The following MYO7A variants were observed in gnomAD, a reference collection of about 807,000 sequenced individuals.
MYO7A encodes the protein unconventional myosin-VIIa.
A neutral mutation model predicts 263.8 loss-of-function variants in MYO7A; 210 were observed. The ratio of observed to expected loss-of-function variants is 0.80; its 90% CI spans 0.71 to 0.89. MYO7A has a LOEUF of 0.89. Among genes scored for constraint, MYO7A ranks in the 40% least tolerant of loss-of-function variants. MYO7A has a pLI of 0.00. For missense variants in MYO7A, 2,820 were observed against 2,968.3 expected (o/e 0.95, Z 1.16); for synonymous variants, 1,239 against 1,197.3 (o/e 1.03, Z -0.72).
In MYO7A at chr11:77,159,501, C is replaced by A; in HGVS notation, c.1058C>A (p.Ala353Asp). The A allele has an allele frequency of 2.5e-6, 4 of 1,588,446 alleles. No homozygotes were observed. The highest frequency in any genetic ancestry group is 3.4e-6 in the Non-Finnish European group (4 of 1,163,586). Residue 353 changes from alanine to aspartate, a missense_variant, in exon 10 of 49, where the codon GCC (alanine) becomes GAC (aspartate). Ala to Asp is a moderately radical substitution (Grantham distance 126, BLOSUM62 -2). Coordinates refer to ENST00000409709, the MANE Select transcript of MYO7A (RefSeq NM_000260.4). ...GAGGTTCTCTTCTCCCCATCGCTGG[C>A]CACAGCTGCATCCCTGCTTGAGGTC... ...ACEVLFSPSL[A>D]TAASLLEVNP...
chr11:77,182,140 G>T lies in MYO7A; in HGVS notation c.3094G>T (p.Glu1032Ter). The T allele has an allele frequency of 1.2e-6, 2 of 1,613,294 alleles. No individual in the cohort carries two copies. Among genetic ancestry groups the T allele is most frequent in the Non-Finnish European group, 1.7e-6 (2 of 1,179,854 alleles). The change falls in exon 24 of 49, where the codon GAG becomes TAG. Residue 1032 changes from glutamate to a stop codon, truncating the protein, a stop_gained. Coordinates refer to ENST00000409709, the MANE Select transcript of MYO7A (RefSeq NM_000260.4). LOFTEE classifies it high-confidence loss of function. ...LKQPLLYHDD[E>*]GDQLAALAVW... ...ACAGCCACTGCTCTACCATGACGAC[G>T]AGGGTGACCAGCTGGTAAGGCCTGC...
chr11:77,178,983 A>C, intron 19 of MYO7A, 62 bp from the exon 20 acceptor site: 1 of 1,432,742 alleles, frequency 7.0e-7, no homozygotes, highest in East Asian at 2.5e-5. Flanking sequence ...CCTGATCCCA[A>C]ACCCACCTGT....
chr11:77,131,893 G>C (rs993485178), intron 2 of MYO7A, among the ~76,000 whole-genome samples: 1 of 152,224 alleles, frequency 6.6e-6, no homozygotes, highest in African/African-American at 2.4e-5. Context: ...GGGCCTAATG[G>C]GCTCCAGCCC....
chr11:77,171,078 C>T (rs1390263353), intron 15 of MYO7A, among the ~76,000 whole-genome samples: 4 of 152,240 alleles, frequency 2.6e-5, no homozygotes, highest in Admixed American at 2.6e-4. Flanking sequence ...GCAGACGCAT[C>T]CTGTCCTCAT....
chr11:77,174,482 C>T (rs1475965282), intron 16 of MYO7A, among the ~76,000 whole-genome samples: 1 of 152,188 alleles, frequency 6.6e-6, no homozygotes, highest in Non-Finnish European at 1.5e-5. Flanking sequence ...GTGATAAAGA[C>T]GCCTCCTCCA....
intron 27 of MYO7A, 81 bp downstream of exon 27, chr11:77,184,796 T>C (rs1555087495): frequency 6.4e-7 from 1 of 1,562,350 alleles, no homozygotes; most frequent in Admixed American, 1.9e-5. Flanking sequence ...TAGCAAGAGA[T>C]TAAGCCAAGC....
chr11:77,175,126 A>G (rs1954518922), intron 17 of MYO7A, among the ~76,000 whole-genome samples: 1 of 152,312 alleles, frequency 6.6e-6, no homozygotes, highest in East Asian at 1.9e-4. Flanking sequence ...TGGTGGTGTA[A>G]GGAACAAGAC....
In MYO7A at chr11:77,138,004, G is replaced by T. The variant is rs1591180378; in HGVS notation, c.19-4705G>T. ...TGGAAAACATAGAAAAAAACATGACGATTTTTTCCAAAACTGCCGTCAGGT... is the reference window on the plus strand; with the variant it reads ...TGGAAAACATAGAAAAAAACATGACTATTTTTTCCAAAACTGCCGTCAGGT... On this transcript the variant is annotated intron_variant, in intron 2 of 48. Coordinates refer to ENST00000409709, the MANE Select transcript of MYO7A (RefSeq NM_000260.4). The surrounding 1 kb of genome is among the most constrained non-coding windows in gnomAD (Gnocchi z 4.9). 6.6e-6 allele frequency among the ~76,000 whole-genome samples: 1 copy of T among 152,174 alleles called. No individual in the cohort carries two copies. The highest frequency in any genetic ancestry group is 2.1e-4 in the South Asian group (1 of 4,832).
intron 16 of MYO7A, 118 bp downstream of exon 16, chr11:77,173,003 G>A (rs1223706046): frequency 1.7e-5 from 24 of 1,372,972 alleles, no homozygotes; most frequent in Non-Finnish European, 2.2e-5. Flanking sequence ...TGGGGAATGG[G>A]GGGCACCCCG....
At position 77,138,211 on chromosome 11, in the gene MYO7A, G is replaced by A. The variant is rs889331659; in HGVS notation, c.19-4498G>A. The stretch of plus-strand genomic sequence containing the variant: ...CCTAAGCCGCCGTTGCCATGGGCCC[G>A]CAGCAGATGGCCCGGTTTAGGGTTC... On this transcript the variant is annotated intron_variant, in intron 2 of 48. Coordinates refer to ENST00000409709, the MANE Select transcript of MYO7A (RefSeq NM_000260.4). This position sits in a 1 kb window ranked among gnomAD's most constrained non-coding sequence, Gnocchi z 4.9. Among the ~76,000 whole-genome samples, 1 of 151,970 alleles carries A rather than the reference G, an allele frequency of 6.6e-6. No individual in the cohort carries two copies. Among genetic ancestry groups the A allele is most frequent in the Non-Finnish European group, 1.5e-5 (1 of 67,932 alleles).
chr11:77,155,008 A>T (rs889012657), intron 4 of MYO7A, among the ~76,000 whole-genome samples: 1 of 152,122 alleles, frequency 6.6e-6, no homozygotes, highest in African/African-American at 2.4e-5. Context: ...CCTCCCCTGG[A>T]CATCTTTCTT....
intron 2 of MYO7A, among the ~76,000 whole-genome samples, chr11:77,131,641 T>C (rs374426966): frequency 8.5e-5 from 13 of 152,148 alleles, no homozygotes; most frequent in African/African-American, 3.1e-4. Flanking sequence ...AGGGGCGTCC[T>C]CCCTCAGGGG....
intron 40 of MYO7A, 40 bp downstream of exon 40, chr11:77,205,657 G>T (rs1591484687): frequency 6.2e-7 from 1 of 1,610,124 alleles, no homozygotes; most frequent in Non-Finnish European, 8.5e-7. Flanking sequence ...CACTGGGGCG[G>T]GCTCCTGGCC....
chr11:77,207,045 C>T (rs990823542), intron 41 of MYO7A: 6 of 434,840 alleles, frequency 1.4e-5, no homozygotes, highest in Non-Finnish European at 2.1e-5. Context: ...GGCTTGTACA[C>T]CCTGGCCCAG....
Position 77,214,746 on chromosome 11 carries a change from G to T in MYO7A, c.*50G>T, listed in dbSNP as rs1455975827. On this transcript the variant is annotated 3_prime_UTR_variant, in exon 49 of 49. Transcript: ENST00000409709. ...CATGCCTGCTCTCGAGGCAGCAGTG[G>T]GTTCAGGCCCATCAGCTACCCCTGC... 2 of 1,421,622 alleles carry T rather than the reference G, an allele frequency of 1.4e-6. No homozygotes were observed. The highest frequency in any genetic ancestry group is 1.9e-6 in the Non-Finnish European group (2 of 1,031,526). 88.1% of individuals were successfully genotyped at this position (1,421,622 alleles called of 1,614,324 possible).
chr11:77,129,348 G>A (rs1950696562), intron 1 of MYO7A, among the ~76,000 whole-genome samples: 1 of 152,230 alleles, frequency 6.6e-6, no homozygotes, highest in South Asian at 2.1e-4. Flanking sequence ...TCCAGGGCAG[G>A]GGTCAGGGCT....
At chr11:77,200,874 G>A (rs926755787) in intron 35 of MYO7A, among the ~76,000 whole-genome samples, 4 of 152,162 alleles carry the variant, frequency 2.6e-5, no homozygotes, top group Non-Finnish European at 5.9e-5. Context: ...TGAGGCTACC[G>A]AGGCCCTGGC....
At chr11:77,176,839 C>A (rs528624029) in intron 18 of MYO7A, among the ~76,000 whole-genome samples, 2 of 152,316 alleles carry the variant, frequency 1.3e-5, no homozygotes, top group South Asian at 4.1e-4. Flanking sequence ...AGCCCCTCCC[C>A]TCCCCAGCAT....
intron 27 of MYO7A, among the ~76,000 whole-genome samples, chr11:77,189,140 T>G (rs1955845002): frequency 6.6e-6 from 1 of 152,006 alleles, no homozygotes; most frequent in Non-Finnish European, 1.5e-5. Flanking sequence ...GGGAGGTGCT[T>G]TATGCCCGAT....
Sources: allele counts gnomAD v4.1 joint callset (sites outside exome capture counted in the v4.1 genomes callset), GRCh38; gene constraint gnomAD v4.1.1; non-coding constraint Gnocchi (gnomAD v3.1); transcripts MANE v1.5; gene names NCBI Gene and HGNC (gene_info 2026-07-23, HGNC 2026-07-21).